The following NGEF variants were observed in gnomAD, a reference collection of about 807,000 sequenced individuals.
NGEF encodes ephexin-1.
Under a neutral mutation model 80.9 loss-of-function variants are expected in NGEF, and 31 were observed. The ratio of observed to expected loss-of-function variants is 0.38; its 90% confidence interval spans 0.29 to 0.52. The LOEUF is 0.52. NGEF is among the 20% of genes least tolerant of loss of function. The pLI, the probability that NGEF is intolerant of heterozygous loss-of-function variation, is 0.84. For missense variants in NGEF, 709 were observed against 926.2 expected, an observed-to-expected ratio of 0.77 and a Z score of 3.04; for synonymous variants, 371 against 370.2, an observed-to-expected ratio of 1.00 and a Z score of -0.03.
At chr2:232,884,292 G>T (rs1691605681) in intron 10 of NGEF, 148 bp from the exon 11 acceptor site, 1 of 851,584 alleles carries the variant, frequency 1.2e-6, no homozygotes, top group Non-Finnish European at 1.8e-6. Flanking sequence ...CCGAGTTCTG[G>T]ACGGATGCAG....
At chr2:232,902,889 G>A (rs1269797776) in intron 5 of NGEF, among the ~76,000 whole-genome samples, 1 of 152,204 alleles carries the variant, frequency 6.6e-6, no homozygotes, top group African/African-American at 2.4e-5. Context: ...AGCTACTTGG[G>A]AGGCTCAGGT....
chr2:232,887,963 G>A, intron 9 of NGEF, 70 bp downstream of exon 9: 1 of 1,167,680 alleles, frequency 8.6e-7, no homozygotes, highest in Non-Finnish European at 1.3e-6. Flanking sequence ...TGGGGAGCAG[G>A]GCCGGAAAGG....
chr2:232,885,469 G>C, intron 9 of NGEF, 100 bp from the exon 10 acceptor site: 4 of 918,452 alleles, frequency 4.4e-6, no homozygotes, highest in Non-Finnish European at 7.0e-6. Flanking sequence ...TGACCACCGT[G>C]ACCAGACACT....
intron 9 of NGEF, among the ~76,000 whole-genome samples, chr2:232,887,092 C>A (rs1691716473): frequency 6.6e-6 from 1 of 152,202 alleles, no homozygotes; most frequent in Non-Finnish European, 1.5e-5. Flanking sequence ...CCATCAGATG[C>A]CCACTGAGAG....
intron 1 of NGEF, among the ~76,000 whole-genome samples, chr2:233,003,112 T>C (rs1695014923): frequency 6.6e-6 from 1 of 152,210 alleles, no homozygotes; most frequent in South Asian, 2.1e-4. Flanking sequence ...TGATTGCCCA[T>C]GCCCAGGAAT....
rs149268795 is a variant in NGEF at position 232,970,142 on chromosome 2, C to T, written c.383+72G>A. Reference sequence around the variant, plus strand: ...TAACATGACACCCTCGTAACCCTGTCAAGTCTTTGCAGCAATGACCTCTGA... The same window carrying T: ...TAACATGACACCCTCGTAACCCTGTTAAGTCTTTGCAGCAATGACCTCTGA... On this transcript the variant is annotated intron_variant, in intron 3 of 14. Transcript: ENST00000264051. The T allele has an allele frequency of 7.3e-4, 580 of 790,690 alleles. 3 individuals carry two copies. In the African/African-American group the frequency reaches 9.8e-3, roughly 13 times the overall value. The allele number at this position is 790,690 out of a possible 1,614,324, so 49.0% of individuals were successfully genotyped here.
intron 3 of NGEF, among the ~76,000 whole-genome samples, chr2:232,936,144 C>T (rs1277204320): frequency 6.6e-6 from 1 of 152,218 alleles, no homozygotes; most frequent in South Asian, 2.1e-4. Flanking sequence ...CCCAGAAACC[C>T]ATACTCTGTG....
At chr2:232,919,722 C>T (rs926017690) in intron 5 of NGEF, among the ~76,000 whole-genome samples, 1 of 152,166 alleles carries the variant, frequency 6.6e-6, no homozygotes, top group Non-Finnish European at 1.5e-5. Context: ...TGATAGTCAC[C>T]GAAGTCCACC....
intron 13 of NGEF, among the ~76,000 whole-genome samples, chr2:232,881,702 C>A (rs978886569): frequency 5.3e-5 from 8 of 152,118 alleles, no homozygotes; most frequent in African/African-American, 1.9e-4. Context: ...CATGCCTCAG[C>A]TTCCAAGTAG....
intron 3 of NGEF, among the ~76,000 whole-genome samples, chr2:232,953,104 C>T (rs775333817): frequency 2.9e-4 from 44 of 151,064 alleles, no homozygotes; most frequent in African/African-American, 1.0e-3. Context: ...ATGTTCGAGA[C>T]CAGCCTGACC....
At position 232,891,500 on chromosome 2, in the gene NGEF, A is replaced by G; in HGVS notation, c.1143-13T>C. ...TGCCTTCTCCTGGCTGGGGACACAG[A>G]CAGGTGGAGTAGGTCTCTGAGCTGC... On this transcript the variant is annotated splice_polypyrimidine_tract_variant and intron_variant, in intron 7 of 14. Transcript: ENST00000264051. The G allele has an allele frequency of 1.2e-6, 2 of 1,610,852 alleles. No homozygotes were observed. The highest frequency in any genetic ancestry group is 2.2e-5 in the East Asian group (1 of 44,874).
chr2:232,974,776 C>A lies in NGEF; in HGVS notation c.115G>T (p.Glu39Ter). Reference sequence around the variant, plus strand: ...TCCTGGTCAGCTTGAGAAGTCTCCTCTTTTTCTGGGAGTAACTCAGGTTTC... The same window carrying A: ...TCCTGGTCAGCTTGAGAAGTCTCCTATTTTTCTGGGAGTAACTCAGGTTTC... ...KVKPELLPEK[E>*]ETSQADQDIQ... The change falls in exon 2 of 15, where the codon GAG (glutamate) becomes TAG (stop). Residue 39 changes from glutamate to a stop codon, truncating the protein, a stop_gained. Coordinates refer to ENST00000264051, the MANE Select transcript of NGEF (RefSeq NM_019850.3). LOFTEE classifies it high-confidence loss of function. The A allele has an allele frequency of 6.2e-7, 1 of 1,614,234 alleles. No homozygotes were observed.
chr2:232,948,147 A>ATGTGTGTGTGTGTGTGTGTG (rs375640068), intron 3 of NGEF, among the ~76,000 whole-genome samples: 32 of 141,648 alleles, frequency 2.3e-4, no homozygotes, highest in African/African-American at 8.2e-4. Flanking sequence ...TAGCCTGGAG[A>ATGTGTGTGTGTGTGTGTGTG]TGTGTGTGTG....
intron 1 of NGEF, among the ~76,000 whole-genome samples, chr2:232,998,156 T>G (rs1371072915): frequency 6.6e-6 from 1 of 151,970 alleles, no homozygotes; most frequent in Non-Finnish European, 1.5e-5. Context: ...GAAACCGCAG[T>G]GGGAGTTTCA....
chr2:232,931,897 C>T (rs1693221518), intron 3 of NGEF, among the ~76,000 whole-genome samples: 1 of 152,240 alleles, frequency 6.6e-6, no homozygotes, highest in African/African-American at 2.4e-5. Context: ...CAGAAATCCA[C>T]TCAGCTAAAT....
At chr2:232,930,767 A>G (rs1350278166) in intron 3 of NGEF, among the ~76,000 whole-genome samples, 1 of 152,150 alleles carries the variant, frequency 6.6e-6, no homozygotes, top group Admixed American at 6.5e-5. Context: ...TCAACACGTG[A>G]ATGTTGCGGG....
In NGEF at chr2:232,954,162, A is replaced by T. The variant is rs1693742853; in HGVS notation, c.383+16052T>A. On this transcript the variant is annotated intron_variant, in intron 3 of 14. Coordinates refer to ENST00000264051, the MANE Select transcript of NGEF (RefSeq NM_019850.3). ...AACTACGGGGGTATCTTTTACATAG[A>T]TGACCCTGTGAATGGAGCCCTCTCA... is the stretch of plus-strand genomic sequence containing the variant. 2.0e-5 allele frequency among the ~76,000 whole-genome samples: 3 copies of T among 152,204 alleles called. No individual in the cohort carries two copies. In the South Asian group the frequency reaches 6.2e-4, roughly 32 times the overall value.
intron 3 of NGEF, among the ~76,000 whole-genome samples, chr2:232,939,634 A>G (rs186122131): frequency 3.4e-4 from 52 of 152,352 alleles, no homozygotes; most frequent in African/African-American, 1.3e-3. Flanking sequence ...ATTGAAACAG[A>G]AACAACTACC....
At chr2:232,897,652 C>T (rs981785448) in intron 5 of NGEF, among the ~76,000 whole-genome samples, 3 of 152,198 alleles carry the variant, frequency 2.0e-5, no homozygotes, top group Admixed American at 6.5e-5. Context: ...CCAGGGCCAG[C>T]GGCCAACTGC....
Sources: allele counts gnomAD v4.1 joint callset (sites outside exome capture counted in the v4.1 genomes callset), GRCh38; gene constraint gnomAD v4.1.1; transcripts MANE v1.5; gene names NCBI Gene and HGNC (gene_info 2026-07-23, HGNC 2026-07-21).